MAD1L1: variants seen among roughly 807,000 people sequenced by gnomAD.
MAD1L1 encodes the protein mitotic arrest deficient 1 like 1, also known as mitotic spindle assembly checkpoint protein MAD1.
Under a neutral mutation model 96.9 loss-of-function variants are expected in MAD1L1, and 95 were observed. That is an observed-to-expected ratio of 0.98 (90% CI 0.83 to 1.16). The LOEUF (loss-of-function observed/expected upper bound fraction) is 1.16, where lower values mean the gene tolerates loss of function less well. MAD1L1 is among the 50% of genes most tolerant of loss of function. The pLI, the probability that MAD1L1 is intolerant of heterozygous loss-of-function variation, is 0.00. For synonymous variants in MAD1L1, 473 were observed against 396.6 expected, an observed-to-expected ratio of 1.19 and a Z score of -2.29; for missense variants, 1,007 against 954.4, an observed-to-expected ratio of 1.06 and a Z score of -0.73.
At chr7:2,017,151 C>T (rs1040503813) in intron 12 of MAD1L1, among the ~76,000 whole-genome samples, 2 of 152,250 alleles carry the variant, frequency 1.3e-5, no homozygotes, top group Non-Finnish European at 2.9e-5. Context: ...AGTGAAACAG[C>T]AGGCACGGTG....
chr7:1,887,807 C>G (rs1786190204), intron 18 of MAD1L1, among the ~76,000 whole-genome samples: 2 of 80,914 alleles, frequency 2.5e-5, no homozygotes, highest in African/African-American at 8.2e-5. Context: ...ATGTGGCTGC[C>G]TGTGTGTGTG....
At chr7:1,940,202 G>C (rs1778882580) in intron 16 of MAD1L1, 1 of 152,238 alleles carries the variant, frequency 6.6e-6, no homozygotes, top group Non-Finnish European at 1.5e-5. Context: ...CTGGGAAGGA[G>C]GAGGGGAGGG....
At chr7:2,144,066 C>T (rs563262331) in intron 11 of MAD1L1, among the ~76,000 whole-genome samples, 39 of 152,336 alleles carry the variant, frequency 2.6e-4, no homozygotes, top group South Asian at 1.0e-3. Flanking sequence ...CAACGTGTCC[C>T]ACAGGGACCC....
At chr7:1,935,671 A>G (rs557133332) in intron 17 of MAD1L1, among the ~76,000 whole-genome samples, 3 of 152,368 alleles carry the variant, frequency 2.0e-5, no homozygotes, top group South Asian at 2.1e-4. Context: ...CTGCACCTGC[A>G]TGCTCACAGG....
At chr7:2,176,679 CA>C (rs1381078074) in intron 10 of MAD1L1, among the ~76,000 whole-genome samples, 1 of 151,678 alleles carries the variant, frequency 6.6e-6, no homozygotes, top group African/African-American at 2.4e-5. Flanking sequence ...GAGAATCCAG[CA>C]AAGTCACAGG....
Position 1,985,872 on chromosome 7 carries a change from C to T in MAD1L1, c.1417-5331G>A, listed in dbSNP as rs537685135. Among the ~76,000 whole-genome samples the T allele has an allele frequency of 2.0e-5, 3 of 152,280 alleles. No homozygotes were observed. The South Asian group carries it at 6.2e-4, about 32-fold the overall frequency. On this transcript the variant is annotated intron_variant, in intron 14 of 18. Transcript: ENST00000265854. Reference sequence around the variant, plus strand: ...CCGGCCTCACCGTCTCTTCTTGGAGCGTGTGCGTTCCGCCCAAGCCTCACA... The same window carrying T: ...CCGGCCTCACCGTCTCTTCTTGGAGTGTGTGCGTTCCGCCCAAGCCTCACA...
intron 5 of MAD1L1, 41 bp from the exon 6 acceptor site, chr7:2,219,497 G>C: frequency 6.2e-7 from 1 of 1,601,612 alleles, no homozygotes; most frequent in Non-Finnish European, 8.5e-7. Context: ...AGTGAGTGGA[G>C]CCCGTGCGTG....
chr7:2,065,844 C>T lies in MAD1L1; in HGVS notation c.1218+3350G>A, dbSNP rs116166880. On this transcript the variant is annotated intron_variant, in intron 12 of 18. Transcript: ENST00000265854. ...AGTGCAGACAACAAGGGGTGGGAAGCGGAGGCTTTTCTGTCATTTGAAAAG... is the reference window on the plus strand; with the variant it reads ...AGTGCAGACAACAAGGGGTGGGAAGTGGAGGCTTTTCTGTCATTTGAAAAG... Among the ~76,000 whole-genome samples the T allele has an allele frequency of 9.7e-3, 1,471 of 152,210 alleles. 23 individuals carry two copies. Among genetic ancestry groups the T allele is most frequent in the African/African-American group, 0.033 (1,366 of 41,512 alleles).
At chr7:2,131,480 C>G (rs3778988) in intron 11 of MAD1L1, among the ~76,000 whole-genome samples, 8,913 of 152,288 alleles carry the variant, frequency 0.059, 332 homozygotes, top group African/African-American at 0.1. Flanking sequence ...GAGACTGTGA[C>G]AGGAAAAGGA....
intron 18 of MAD1L1, among the ~76,000 whole-genome samples, chr7:1,850,231 C>A (rs1011434349): frequency 6.6e-6 from 1 of 152,146 alleles, no homozygotes; most frequent in Non-Finnish European, 1.5e-5. Flanking sequence ...AGGACGGAAC[C>A]GACAGGCGCC....
chr7:2,140,304 C>T (rs1243121130), intron 11 of MAD1L1, among the ~76,000 whole-genome samples: 1 of 152,194 alleles, frequency 6.6e-6, no homozygotes, highest in African/African-American at 2.4e-5. Flanking sequence ...CTCCAGCAGC[C>T]CCCGTCCGCC....
intron 15 of MAD1L1, among the ~76,000 whole-genome samples, chr7:1,959,276 C>T (rs902178183): frequency 6.6e-6 from 1 of 152,018 alleles, no homozygotes; most frequent in Non-Finnish European, 1.5e-5. Flanking sequence ...CAAACAAACA[C>T]AGAGAGGAAA....
rs1376463169 is a variant in MAD1L1, at chr7:1,936,808, G to A, written c.1686C>T (p.Ser562=). 1 of 1,597,320 alleles carries A rather than the reference G, an allele frequency of 6.3e-7. No homozygotes were observed. Among genetic ancestry groups the A allele is most frequent in the Admixed American group, 1.7e-5 (1 of 57,482 alleles). ...VARQRLREDH[S]QLQAECERLR... Reference sequence around the variant, plus strand: ...GTCGCTCGCACTCCGCCTGCAGCTGGCTGTGGTCCTCGCGCAGGCGCTGCC... The same window carrying A: ...GTCGCTCGCACTCCGCCTGCAGCTGACTGTGGTCCTCGCGCAGGCGCTGCC... Residue 562 remains serine, a synonymous_variant, in exon 17 of 19, where the codon AGC becomes AGT. Transcript: ENST00000265854.
intron 13 of MAD1L1, among the ~76,000 whole-genome samples, chr7:2,007,355 CG>C (rs1456704130): frequency 6.6e-6 from 1 of 152,190 alleles, no homozygotes; most frequent in Non-Finnish European, 1.5e-5. Flanking sequence ...CGTGTTGCCA[CG>C]GTATGGCCGC....
At chr7:2,009,307 C>G (rs1782183887) in intron 13 of MAD1L1, among the ~76,000 whole-genome samples, 1 of 152,212 alleles carries the variant, frequency 6.6e-6, no homozygotes, top group Admixed American at 6.5e-5. Flanking sequence ...GCCACAGACC[C>G]CAGCAGCCAC....
intron 17 of MAD1L1, among the ~76,000 whole-genome samples, chr7:1,898,899 T>C (rs376312034): frequency 6.6e-6 from 1 of 152,142 alleles, no homozygotes; most frequent in South Asian, 2.1e-4. Context: ...ATCCTGACCA[T>C]CCATTCCCAG....
chr7:2,211,415 C>T (rs1219605439), intron 10 of MAD1L1, among the ~76,000 whole-genome samples: 1 of 152,258 alleles, frequency 6.6e-6, no homozygotes, highest in African/African-American at 2.4e-5. Context: ...GAGACAGCAG[C>T]CAGCTGTGCC....
At position 1,984,608 on chromosome 7, in the gene MAD1L1, AC is replaced by A. The variant is rs1241950404; in HGVS notation, c.1417-4068del. 4.6e-5 allele frequency among the ~76,000 whole-genome samples: 7 copies of A among 152,168 alleles called. No homozygotes were observed. In the East Asian group the frequency reaches 1.4e-3, roughly 29 times the overall value. ...CTGAACCTCACTGTGAAAAGCGCCC[AC>A]CTTTGTTTCTGAGCGGCTTCTGGCT... On this transcript the variant is annotated intron_variant, in intron 14 of 18. Transcript: ENST00000265854.
chr7:2,157,128 G>A (rs1158910432), intron 10 of MAD1L1, among the ~76,000 whole-genome samples: 4 of 152,216 alleles, frequency 2.6e-5, no homozygotes, highest in Non-Finnish European at 5.9e-5. Flanking sequence ...TGGCTTCTAC[G>A]TAGGACAAGG....
Sources: allele counts gnomAD v4.1 joint callset (sites outside exome capture counted in the v4.1 genomes callset), GRCh38; gene constraint gnomAD v4.1.1; transcripts MANE v1.5; gene names NCBI Gene and HGNC (gene_info 2026-07-23, HGNC 2026-07-21).